EPHA6: variants seen among roughly 807,000 people sequenced by gnomAD.
The protein encoded by EPHA6 is EPH receptor A6, also known as ephrin type-A receptor 6.
Under a neutral mutation model 112.0 loss-of-function variants are expected in EPHA6, and 50 were observed. That is an observed-to-expected ratio of 0.45 (90% confidence interval 0.36 to 0.56). The LOEUF is 0.56. EPHA6 is among the 20% of genes least tolerant of loss of function. The probability of loss-of-function intolerance (pLI) is 0.00; values close to 1 mark genes in which losing one functional copy is unlikely to be tolerated. For missense variants in EPHA6, 1,280 were observed against 1,417.4 expected (o/e 0.90, Z 1.56); for synonymous variants, 529 against 490.7 (o/e 1.08, Z -1.03).
At chr3:97,134,806 C>T (rs1000133687) in intron 3 of EPHA6, among the ~76,000 whole-genome samples, 2 of 151,868 alleles carry the variant, frequency 1.3e-5, no homozygotes, top group African/African-American at 4.8e-5. Flanking sequence ...TTGCATGGAA[C>T]AAATTATTAT....
intron 3 of EPHA6, among the ~76,000 whole-genome samples, chr3:97,081,494 A>G (rs1264881871): frequency 6.6e-6 from 1 of 151,858 alleles, no homozygotes; most frequent in Non-Finnish European, 1.5e-5. Context: ...TCTCTATTAA[A>G]CTAATACATC....
chr3:97,167,989 AC>A (rs2076582970), intron 3 of EPHA6, among the ~76,000 whole-genome samples: 2 of 152,022 alleles, frequency 1.3e-5, no homozygotes, highest in South Asian at 4.2e-4. Flanking sequence ...AAAGATTTAA[AC>A]TATTAAAGAT....
At chr3:97,499,297 T>A (rs2092060121) in intron 10 of EPHA6, among the ~76,000 whole-genome samples, 1 of 152,206 alleles carries the variant, frequency 6.6e-6, no homozygotes, top group South Asian at 2.1e-4. Context: ...TTCCTCTCAA[T>A]ATAATTGTTG....
intron 5 of EPHA6, among the ~76,000 whole-genome samples, chr3:97,304,304 G>T (rs1199856698): frequency 6.6e-6 from 1 of 151,862 alleles, no homozygotes; most frequent in African/African-American, 2.4e-5. Flanking sequence ...GTGAGAAAGG[G>T]CATCCTTGTC....
At chr3:97,016,131 T>C (rs532036841) in intron 3 of EPHA6, among the ~76,000 whole-genome samples, 1 of 152,164 alleles carries the variant, frequency 6.6e-6, no homozygotes, top group African/African-American at 2.4e-5. Flanking sequence ...ATATGTGTCT[T>C]ACCAAAGCAG....
intron 3 of EPHA6, among the ~76,000 whole-genome samples, chr3:97,134,019 CTGTT>C (rs962099333): frequency 2.6e-5 from 4 of 151,790 alleles, no homozygotes; most frequent in African/African-American, 9.7e-5. Flanking sequence ...GTTTTTGCCA[CTGTT>C]TGTTTTCATG....
At chr3:97,585,867 T>C (rs1259355684) in intron 11 of EPHA6, among the ~76,000 whole-genome samples, 1 of 152,214 alleles carries the variant, frequency 6.6e-6, no homozygotes, top group Non-Finnish European at 1.5e-5. Context: ...ATTAAAAATG[T>C]ATGTCATAGG....
intron 5 of EPHA6, among the ~76,000 whole-genome samples, chr3:97,290,379 GT>G (rs1244100792): frequency 6.6e-6 from 1 of 152,086 alleles, no homozygotes; most frequent in Non-Finnish European, 1.5e-5. Context: ...CTTGGAGTGT[GT>G]TCCATGTGCA....
chr3:96,873,189 G>A (rs2036738429), intron 2 of EPHA6, among the ~76,000 whole-genome samples: 1 of 151,802 alleles, frequency 6.6e-6, no homozygotes, highest in Admixed American at 6.6e-5. Context: ...CACTTGAATT[G>A]GGAGGTGGAG....
intron 10 of EPHA6, among the ~76,000 whole-genome samples, chr3:97,503,668 A>G (rs2092179432): frequency 6.6e-6 from 1 of 152,224 alleles, no homozygotes; most frequent in Admixed American, 6.5e-5. Context: ...AAACACTGAG[A>G]TAAGTCACTA....
At chr3:97,562,987 G>T (rs2093212042) in intron 11 of EPHA6, among the ~76,000 whole-genome samples, 1 of 152,104 alleles carries the variant, frequency 6.6e-6, no homozygotes, top group African/African-American at 2.4e-5. Flanking sequence ...TAGGCATAAT[G>T]CTGTTGCACA....
At chr3:96,955,707 G>A (rs186402316) in intron 2 of EPHA6, among the ~76,000 whole-genome samples, 1 of 152,116 alleles carries the variant, frequency 6.6e-6, no homozygotes. Context: ...AACCTTCACG[G>A]ATGGAATTCA....
rs114336879 is a variant in EPHA6, at chr3:97,639,408, A to G, written c.2784+1326A>G. ...TTAAAACAACTTTTGAAGTTATAGA[A>G]CAACGAATATAAAATTTTTCCATTA... On this transcript the variant is annotated intron_variant, in intron 14 of 17. Transcript: ENST00000389672. Among the ~76,000 whole-genome samples the G allele has an allele frequency of 8.8e-3, 1,336 of 152,184 alleles. 28 individuals carry two copies. Among genetic ancestry groups the G allele is most frequent in the African/African-American group, 0.03 (1,257 of 41,574 alleles).
intron 6 of EPHA6, among the ~76,000 whole-genome samples, chr3:97,416,455 A>G (rs2088131379): frequency 6.6e-6 from 1 of 152,122 alleles, no homozygotes; most frequent in Non-Finnish European, 1.5e-5. Context: ...ATTTAATATT[A>G]ATAACTGTGA....
chr3:96,958,230 C>G (rs1035009049), intron 2 of EPHA6, among the ~76,000 whole-genome samples: 2 of 150,832 alleles, frequency 1.3e-5, no homozygotes, highest in African/African-American at 4.9e-5. Context: ...GCGGAGGTTG[C>G]AGTGAGCCGG....
intron 7 of EPHA6, among the ~76,000 whole-genome samples, chr3:97,459,877 G>A (rs1039016834): frequency 6.6e-6 from 1 of 152,136 alleles, no homozygotes; most frequent in Non-Finnish European, 1.5e-5. Context: ...GCCTGCATAT[G>A]TCTCTCTGAC....
At chr3:97,114,218 A>ACATG (rs1366115690) in intron 3 of EPHA6, among the ~76,000 whole-genome samples, 1 of 152,288 alleles carries the variant, frequency 6.6e-6, no homozygotes, top group Non-Finnish European at 1.5e-5. Flanking sequence ...AGAGCTTTCC[A>ACATG]CATGAAAGAC....
chr3:97,507,425 G>C (rs543403023), intron 10 of EPHA6, among the ~76,000 whole-genome samples: 1 of 152,248 alleles, frequency 6.6e-6, no homozygotes, highest in African/African-American at 2.4e-5. Context: ...AGATATTCTT[G>C]TGGTTTTTGT....
At chr3:97,017,626 T>G (rs539144236) in intron 3 of EPHA6, among the ~76,000 whole-genome samples, 1 of 152,238 alleles carries the variant, frequency 6.6e-6, no homozygotes, top group African/African-American at 2.4e-5. Context: ...CAGACACCAT[T>G]TAGGGTAGTG....
Sources: gnomAD v4.1 joint callset for allele counts (sites outside exome capture counted in the v4.1 genomes callset) on GRCh38, gnomAD v4.1.1 for gene constraint, MANE v1.5 for transcripts, NCBI Gene and HGNC (gene_info 2026-07-23, HGNC 2026-07-21) for gene names.